Variants in TDRP observed in about 807,000 individuals in gnomAD.
TDRP encodes testis development related protein.
A neutral mutation model predicts 10.5 loss-of-function variants in TDRP; 12 were observed. The observed-to-expected ratio is 1.15, with a 90% CI of 0.73 to 1.86. The LOEUF (loss-of-function observed/expected upper bound fraction) is 1.86. Ranked by LOEUF, TDRP falls within the 40% of genes most tolerant of loss-of-function variation. The pLI is 0.00. For missense variants in TDRP, 353 were observed against 229.2 expected, an observed-to-expected ratio of 1.54 and a Z score of -3.49; for synonymous variants, 139 against 95.4, an observed-to-expected ratio of 1.46 and a Z score of -2.67.
rs533850699 is a variant in TDRP at position 493,791 on chromosome 8, T to TTTTGG, written c.212+698_212+702dup. On this transcript the variant is annotated intron_variant, in intron 2 of 2. Coordinates refer to ENST00000324079, the MANE Select transcript of TDRP (RefSeq NM_001384899.1). ...TTTGGTGGTGGTTGTTTTTGTTTTG[T>TTTTGG]TTTGGTTTGGTTTTTTTCTGAAACT... Among the ~76,000 whole-genome samples, 1,093 of 152,298 alleles carry TTTTGG rather than the reference T, an allele frequency of 7.2e-3. 17 individuals carry two copies. The highest frequency in any genetic ancestry group is 0.024 in the African/African-American group (1,008 of 41,566).
At chr8:494,825 T>C (rs893051656) in intron 1 of TDRP, 35 of 428,490 alleles carry the variant, frequency 8.2e-5, no homozygotes, top group Non-Finnish European at 1.3e-4. Flanking sequence ...TGATGCTGAG[T>C]AATCTAAATT....
chr8:494,152 G>A (rs994080432), intron 2 of TDRP, among the ~76,000 whole-genome samples: 5 of 150,868 alleles, frequency 3.3e-5, no homozygotes, highest in East Asian at 1.9e-4. Flanking sequence ...TAGTATAGAC[G>A]GGGTTTCACC....
chr8:504,120 T>C (rs1382549039), intron 1 of TDRP, among the ~76,000 whole-genome samples: 1 of 152,200 alleles, frequency 6.6e-6, no homozygotes, highest in African/African-American at 2.4e-5. Flanking sequence ...CCAGTCCACC[T>C]GAGCCTGCCC....
At chr8:508,565 A>G (rs1029958580) in intron 1 of TDRP, among the ~76,000 whole-genome samples, 1 of 152,162 alleles carries the variant, frequency 6.6e-6, no homozygotes, top group Admixed American at 6.5e-5. Context: ...CACTATCACA[A>G]GAATAGCATG....
intron 1 of TDRP, among the ~76,000 whole-genome samples, chr8:508,241 G>C (rs909665740): frequency 1.3e-5 from 2 of 152,192 alleles, no homozygotes; most frequent in Admixed American, 6.5e-5. Context: ...ATATTCACTA[G>C]AGGGGTTTTA....
intron 1 of TDRP, among the ~76,000 whole-genome samples, chr8:498,114 C>G (rs1801183994): frequency 6.6e-6 from 1 of 152,174 alleles, no homozygotes; most frequent in Admixed American, 6.5e-5. Flanking sequence ...ACCCCCACAC[C>G]AAGTCCCCAC....
chr8:535,923 T>C (rs1802338170), intron 1 of TDRP, among the ~76,000 whole-genome samples: 1 of 151,958 alleles, frequency 6.6e-6, no homozygotes, highest in African/African-American at 2.4e-5. Context: ...TTCAGTGACG[T>C]TCAGTTTTCA....
At chr8:513,867 A>T (rs1428352606) in intron 1 of TDRP, among the ~76,000 whole-genome samples, 3 of 152,246 alleles carry the variant, frequency 2.0e-5, no homozygotes, top group African/African-American at 7.2e-5. Context: ...AACAATCCAA[A>T]AGTGAAATTA....
intron 1 of TDRP, among the ~76,000 whole-genome samples, chr8:531,005 A>C (rs1802176456): frequency 6.6e-6 from 1 of 152,108 alleles, no homozygotes; most frequent in South Asian, 2.1e-4. Context: ...GCCAGTTCCC[A>C]GTCAGCACTG....
intron 1 of TDRP, among the ~76,000 whole-genome samples, chr8:499,089 C>A (rs17065049): frequency 0.16 from 23,769 of 152,030 alleles, 1,978 homozygotes; most frequent in East Asian, 0.25. Context: ...CCTAAGATTC[C>A]ATTTCTGGTA....
rs1490126637 is a variant in TDRP, at chr8:492,568, T to C, written c.389A>G (p.His130Arg). The stretch of plus-strand genomic sequence containing the variant: ...ATCCTCCCAGCCTGACCAGGATGGG[T>C]GGCCACCCACGGTGTCCTCAGGGTC... The part of the protein sequence containing the change: ...SADPEDTVGG[H>R]PSWSGWEDDA... Residue 130 changes from histidine to arginine, a missense_variant, in exon 3 of 3, where the codon CAC (histidine) becomes CGC (arginine). Coordinates refer to ENST00000324079, the MANE Select transcript of TDRP (RefSeq NM_001384899.1). The C allele has an allele frequency of 1.9e-6, 3 of 1,613,318 alleles. No individual in the cohort carries two copies. Among genetic ancestry groups the C allele is most frequent in the East Asian group, 2.2e-5 (1 of 44,870 alleles).
chr8:508,128 C>T (rs549682740), intron 1 of TDRP, among the ~76,000 whole-genome samples: 5 of 152,088 alleles, frequency 3.3e-5, no homozygotes, highest in South Asian at 4.2e-4. Context: ...GAAGGTACGA[C>T]GGCAATGTTG....
At position 544,727 on chromosome 8, in the gene TDRP, G is replaced by C; in HGVS notation, c.31C>G (p.Leu11Val). The change falls in exon 1 of 3, where the codon CTG becomes GTG. Residue 11 changes from leucine (L) to valine (V), a missense_variant. By Grantham distance (32) the Leu-to-Val change is conservative. Coordinates refer to ENST00000324079, the MANE Select transcript of TDRP (RefSeq NM_001384899.1). ...TCCTCCTCCTCGGGGGGCTCGTCCA[G>C]CAGCACTCGGCCCCGGCCCAGCTTC... The part of the protein sequence containing the change: MWKLGRGRVL[L>V]DEPPEEEDGL... The C allele has an allele frequency of 8.0e-7, 1 of 1,243,006 alleles. No homozygotes were observed. The highest frequency in any genetic ancestry group is 1.0e-6 in the Non-Finnish European group (1 of 992,736). The allele number at this position is 1,243,006 out of a possible 1,614,324, so 77.0% of individuals were successfully genotyped here.
chr8:503,024 C>G (rs1801348471), intron 1 of TDRP, among the ~76,000 whole-genome samples: 1 of 151,980 alleles, frequency 6.6e-6, no homozygotes, highest in Non-Finnish European at 1.5e-5. Flanking sequence ...ATGCCCACCT[C>G]AGCATGCAAC....
In TDRP at chr8:491,619, G is replaced by T. The variant is rs552162583; in HGVS notation, c.*780C>A. 6.5e-7 allele frequency: 1 copy of T among 1,530,878 alleles called. No homozygotes were observed. Among genetic ancestry groups the T allele is most frequent in the East Asian group, 2.5e-5 (1 of 40,764 alleles). 94.8% of individuals were successfully genotyped at this position (1,530,878 alleles called of 1,614,324 possible). Reference sequence around the variant, plus strand: ...AACTCTCTATAATGAGCAAGACAATGTTTCCTAAATGAAATTATCAACTGA... The same window carrying T: ...AACTCTCTATAATGAGCAAGACAATTTTTCCTAAATGAAATTATCAACTGA... On this transcript the variant is annotated 3_prime_UTR_variant, in exon 3 of 3. Coordinates refer to ENST00000324079, the MANE Select transcript of TDRP (RefSeq NM_001384899.1).
intron 1 of TDRP, among the ~76,000 whole-genome samples, chr8:543,765 C>G (rs999183266): frequency 1.3e-5 from 2 of 152,132 alleles, no homozygotes; most frequent in African/African-American, 4.8e-5. Flanking sequence ...TTTCCAAGTC[C>G]TCGGAAGACA....
rs1446203016 is a variant in TDRP at position 494,533 on chromosome 8, T to C, written c.173A>G (p.Gln58Arg). 2.9e-5 allele frequency: 47 copies of C among 1,613,880 alleles called. No homozygotes were observed. The highest frequency in any genetic ancestry group is 3.8e-5 in the Non-Finnish European group (45 of 1,179,896). The part of the protein sequence containing the change: ...VTSLFNKDDE[Q>R]HLLERCKSPK... ...AGATTTACATCTTTCCAGGAGATGC[T>C]GCTCATCATCTTTGTTAAACAGTGA... Residue 58 changes from glutamine (Q) to arginine (R), a missense_variant, in exon 2 of 3, where the codon CAG (glutamine) becomes CGG (arginine). Gln to Arg is a conservative substitution (Grantham distance 43). Coordinates refer to ENST00000324079, the MANE Select transcript of TDRP (RefSeq NM_001384899.1).
At chr8:528,403 GCTAGAT>G (rs1485579969) in intron 1 of TDRP, among the ~76,000 whole-genome samples, 1 of 130,974 alleles carries the variant, frequency 7.6e-6, no homozygotes, top group South Asian at 2.9e-4. Flanking sequence ...CAATCCCACT[GCTAGAT>G]ATATACCCAA....
intron 1 of TDRP, among the ~76,000 whole-genome samples, chr8:495,863 C>T (rs1450321508): frequency 6.6e-6 from 1 of 152,186 alleles, no homozygotes; most frequent in Admixed American, 6.5e-5. Flanking sequence ...GGGCAAAGGG[C>T]AGAGATGACC....
Sources: gnomAD v4.1 joint callset for allele counts (sites outside exome capture counted in the v4.1 genomes callset) on GRCh38, gnomAD v4.1.1 for gene constraint, MANE v1.5 for transcripts, NCBI Gene and HGNC (gene_info 2026-07-23, HGNC 2026-07-21) for gene names.